Variants in BACE2 observed in about 807,000 individuals in gnomAD.
The protein encoded by BACE2 is 56 kDa aspartic-like protease.
BACE2 carries 17 observed loss-of-function variants against 46.2 expected under a neutral mutation model. The ratio of observed to expected loss-of-function variants is 0.37; its 90% CI spans 0.25 to 0.55. The LOEUF is 0.55. Among genes scored for constraint, BACE2 ranks in the 20% least tolerant of loss-of-function variants. The pLI is 0.82. For synonymous variants in BACE2, 277 were observed against 295.9 expected, an observed-to-expected ratio of 0.94 and a Z score of 0.66; for missense variants, 595 against 698.1, an observed-to-expected ratio of 0.85 and a Z score of 1.66.
intron 2 of BACE2, among the ~76,000 whole-genome samples, chr21:41,228,029 G>C (rs1329576356): frequency 9.2e-5 from 14 of 152,158 alleles, no homozygotes; most frequent in Admixed American, 5.2e-4. Flanking sequence ...CAGGGGACTT[G>C]CCCAAGTTCA....
At chr21:41,217,399 GTGTT>G (rs1186555117) in intron 1 of BACE2, among the ~76,000 whole-genome samples, 2 of 152,178 alleles carry the variant, frequency 1.3e-5, no homozygotes, top group African/African-American at 2.4e-5. Flanking sequence ...GAATTTTTGT[GTGTT>G]TGTTTTCTGT....
intron 3 of BACE2, 29 bp from the exon 4 acceptor site, chr21:41,241,790 G>C (rs753206518): frequency 6.8e-6 from 11 of 1,613,396 alleles, no homozygotes; most frequent in Non-Finnish European, 8.5e-6. Context: ...AGTCCTAAGC[G>C]GGTGCCCCTC....
intron 1 of BACE2, among the ~76,000 whole-genome samples, chr21:41,173,308 ATTT>A (rs1234967937): frequency 2.6e-5 from 4 of 152,196 alleles, no homozygotes; most frequent in Non-Finnish European, 5.9e-5. Context: ...ACAAATGACG[ATTT>A]TAGTGCTGTA....
intron 7 of BACE2, among the ~76,000 whole-genome samples, chr21:41,254,913 T>C (rs528890115): frequency 6.6e-6 from 1 of 152,368 alleles, no homozygotes; most frequent in South Asian, 2.1e-4. Flanking sequence ...GGGCGCATGA[T>C]GAGCTCTGGG....
chr21:41,183,863 A>G (rs1439891461), intron 1 of BACE2: 3 of 167,064 alleles, frequency 1.8e-5, no homozygotes, highest in African/African-American at 4.8e-5. Context: ...TTTTGCGTAT[A>G]GTAGGCGCAG....
chr21:41,254,178 A>G (rs943530348), intron 7 of BACE2, among the ~76,000 whole-genome samples: 3 of 152,242 alleles, frequency 2.0e-5, no homozygotes, highest in Admixed American at 6.5e-5. Flanking sequence ...AACTTTGTCT[A>G]TACCCAACAC....
chr21:41,224,209 ATTTTTTTT>A (rs10658440), intron 1 of BACE2, among the ~76,000 whole-genome samples: 1 of 98,906 alleles, frequency 1.0e-5, no homozygotes, highest in African/African-American at 4.5e-5. Flanking sequence ...GCCTATTTTG[ATTTTTTTT>A]TTTTTTTTTT....
chr21:41,224,896 C>T (rs570834197), intron 1 of BACE2, among the ~76,000 whole-genome samples: 1 of 152,282 alleles, frequency 6.6e-6, no homozygotes, highest in Non-Finnish European at 1.5e-5. Flanking sequence ...ACTTGGTGGA[C>T]CCACATAGCA....
At position 41,243,450 on chromosome 21, in the gene BACE2, C is replaced by T; in HGVS notation, c.822C>T (p.Tyr274=). The change falls in exon 5 of 9, where the codon TAC becomes TAT. Residue 274 remains tyrosine (Y), a synonymous_variant. Coordinates refer to ENST00000330333, the MANE Select transcript of BACE2 (RefSeq NM_012105.5). The stretch of plus-strand genomic sequence containing the variant: ...CCCCTATTAAGGAAGAGTGGTACTA[C>T]CAGATAGAAATTCTGAAATTGGAAA... ...WYTPIKEEWY[Y]QIEILKLEIG... is the part of the protein sequence containing the mutation. 1.9e-6 allele frequency: 3 copies of T among 1,612,856 alleles called. No homozygotes were observed. The highest frequency in any genetic ancestry group is 1.7e-4 in the Middle Eastern group (1 of 6,060).
At chr21:41,272,251 C>A (rs1463128467) in intron 8 of BACE2, among the ~76,000 whole-genome samples, 2 of 151,750 alleles carry the variant, frequency 1.3e-5, no homozygotes, top group African/African-American at 2.4e-5. Context: ...AGGAAATTTT[C>A]TCTTTATCAC....
rs1568853912 is a variant in BACE2 at position 41,174,138 on chromosome 21, C to CTTTTTTTTTTTTTTTTTTTT, written c.312+5563_312+5564insTTTTTTTTTTTTTTTTTTTT. Among the ~76,000 whole-genome samples the CTTTTTTTTTTTTTTTTTTTT allele has an allele frequency of 4.5e-4, 32 of 70,646 alleles. 11 individuals are homozygous for CTTTTTTTTTTTTTTTTTTTT. Among genetic ancestry groups the CTTTTTTTTTTTTTTTTTTTT allele is most frequent in the African/African-American group, 2.6e-3 (27 of 10,558 alleles). 46.3% of individuals were successfully genotyped at this position (70,646 alleles called of 152,430 possible). ...TAAGGATAGCTGTTGTGATCAGTGG[C>CTTTTTTTTTTTTTTTTTTTT]CTTTTTTTTTTTTTTTTTTTTTTTT... On this transcript the variant is annotated intron_variant, in intron 1 of 8. Transcript: ENST00000330333.
chr21:41,199,485 G>A (rs1446786473), intron 1 of BACE2, among the ~76,000 whole-genome samples: 1 of 152,156 alleles, frequency 6.6e-6, no homozygotes, highest in Non-Finnish European at 1.5e-5. Context: ...TTGTCTGGGT[G>A]CCCCGGGGAA....
intron 1 of BACE2, among the ~76,000 whole-genome samples, chr21:41,189,989 C>T (rs751431638): frequency 6.6e-6 from 1 of 152,084 alleles, no homozygotes; most frequent in African/African-American, 2.4e-5. Flanking sequence ...GGAAGCTAGG[C>T]CAGTCTCTCC....
chr21:41,211,453 G>A (rs1445329390), intron 1 of BACE2, among the ~76,000 whole-genome samples: 1 of 152,214 alleles, frequency 6.6e-6, no homozygotes, highest in East Asian at 1.9e-4. Context: ...TTTAGATTGT[G>A]GAGAAATGGC....
intron 3 of BACE2, among the ~76,000 whole-genome samples, chr21:41,238,197 G>A (rs1987180580): frequency 6.6e-6 from 1 of 152,208 alleles, no homozygotes. Flanking sequence ...CCTCCGAGGA[G>A]ACACCCAGCA....
At chr21:41,200,202 C>CA (rs112085931) in intron 1 of BACE2, among the ~76,000 whole-genome samples, 6,521 of 144,172 alleles carry the variant, frequency 0.045, 227 homozygotes, top group African/African-American at 0.11. Context: ...AAAAAAAAAA[C>CA]AAAAAAAAAA....
intron 8 of BACE2, among the ~76,000 whole-genome samples, chr21:41,266,911 C>T (rs1206262107): frequency 2.0e-5 from 3 of 151,946 alleles, no homozygotes; most frequent in East Asian, 3.9e-4. Flanking sequence ...TTTGAGGACC[C>T]CACATCTTTG....
At chr21:41,254,892 G>T (rs1987736619) in intron 7 of BACE2, among the ~76,000 whole-genome samples, 2 of 152,200 alleles carry the variant, frequency 1.3e-5, no homozygotes, top group African/African-American at 4.8e-5. Flanking sequence ...TTAAAACTCT[G>T]TCTGCCCGAG....
Position 41,245,942 on chromosome 21 carries a change from C to T in BACE2, c.883-20C>T, listed in dbSNP as rs1987455010. On this transcript the variant is annotated intron_variant, in intron 5 of 8. Transcript: ENST00000330333. Reference sequence around the variant, plus strand: ...CGCCACTGTCACTCACGCACCTTTCCCTTTCTCTCCCGGTTCAAGTATAAC... The same window carrying T: ...CGCCACTGTCACTCACGCACCTTTCTCTTTCTCTCCCGGTTCAAGTATAAC... 1 of 1,585,266 alleles carries T rather than the reference C, an allele frequency of 6.3e-7. No homozygotes were observed. The highest frequency in any genetic ancestry group is 8.6e-7 in the Non-Finnish European group (1 of 1,163,264).
Sources: allele counts gnomAD v4.1 joint callset (sites outside exome capture counted in the v4.1 genomes callset), GRCh38; gene constraint gnomAD v4.1.1; transcripts MANE v1.5; gene names NCBI Gene and HGNC (gene_info 2026-07-23, HGNC 2026-07-21).